Variants in PIGL observed in about 807,000 individuals in gnomAD.
The protein encoded by PIGL is phosphatidylinositol glycan anchor biosynthesis class L.
A neutral mutation model predicts 31.1 loss-of-function variants in PIGL; 22 were observed. The observed-to-expected ratio is 0.71, with a 90% CI of 0.51 to 1.01. The LOEUF (loss-of-function observed/expected upper bound fraction) is 1.01, where lower values mean the gene tolerates loss of function less well. PIGL is among the 50% of genes least tolerant of loss of function. The pLI is 0.00. For missense variants in PIGL, 302 were observed against 315.9 expected (o/e 0.96, Z 0.33); for synonymous variants, 131 against 117.4 (o/e 1.12, Z -0.75).
chr17:16,313,974 T>A (rs1412234617), intron 4 of PIGL, among the ~76,000 whole-genome samples: 2 of 152,232 alleles, frequency 1.3e-5, no homozygotes, highest in Non-Finnish European at 2.9e-5. Flanking sequence ...GAATGAGTGC[T>A]GTCAATCAGT....
intron 1 of PIGL, among the ~76,000 whole-genome samples, chr17:16,218,687 T>TC (rs1445839448): frequency 6.6e-6 from 1 of 150,784 alleles, no homozygotes; most frequent in Non-Finnish European, 1.5e-5. Context: ...CTTTTTTTTT[T>TC]TTTTTTTTTC....
chr17:16,219,431 C>T (rs2092615856), intron 1 of PIGL, among the ~76,000 whole-genome samples: 1 of 152,070 alleles, frequency 6.6e-6, no homozygotes, highest in Admixed American at 6.6e-5. Flanking sequence ...AAAAGTAAAC[C>T]ATTTTACATA....
chr17:16,233,901 G>A, intron 1 of PIGL, 70 bp from the exon 2 acceptor site: 1 of 765,456 alleles, frequency 1.3e-6, no homozygotes, highest in Non-Finnish European at 2.3e-6. Flanking sequence ...AACAGGATAA[G>A]AATGAGTGAA....
chr17:16,254,344 A>T (rs138076908), intron 2 of PIGL, among the ~76,000 whole-genome samples: 1 of 151,972 alleles, frequency 6.6e-6, no homozygotes, highest in South Asian at 2.1e-4. Context: ...TCTCAGCTCA[A>T]TGCAACCTCT....
chr17:16,266,291 A>C (rs537442128), intron 2 of PIGL, among the ~76,000 whole-genome samples: 3 of 148,258 alleles, frequency 2.0e-5, no homozygotes, highest in Non-Finnish European at 4.5e-5. Flanking sequence ...GGGGAGGCTA[A>C]GGCGGAAGAA....
intron 3 of PIGL, among the ~76,000 whole-genome samples, chr17:16,308,150 T>C (rs1357246952): frequency 1.3e-5 from 2 of 151,782 alleles, no homozygotes; most frequent in Non-Finnish European, 2.9e-5. Context: ...CTGGCCAAGA[T>C]GGTGAAACCC....
chr17:16,310,836 C>G (rs923806201), intron 3 of PIGL, among the ~76,000 whole-genome samples: 1 of 152,170 alleles, frequency 6.6e-6, no homozygotes, highest in Non-Finnish European at 1.5e-5. Context: ...GCGTAGCACG[C>G]CTTCTCACAT....
intron 2 of PIGL, among the ~76,000 whole-genome samples, chr17:16,250,210 G>A (rs1354324292): frequency 6.6e-6 from 1 of 152,070 alleles, no homozygotes; most frequent in Non-Finnish European, 1.5e-5. Flanking sequence ...TTTGTCTTGC[G>A]AAGTGCTGGG....
At chr17:16,288,093 A>AATTTTGC (rs1332547508) in intron 2 of PIGL, among the ~76,000 whole-genome samples, 3 of 152,162 alleles carry the variant, frequency 2.0e-5, no homozygotes, top group African/African-American at 4.8e-5. Flanking sequence ...ATCTTGCTTT[A>AATTTTGC]ATTTTGCATT....
At chr17:16,311,221 G>A (rs911174601) in intron 3 of PIGL, among the ~76,000 whole-genome samples, 1 of 150,050 alleles carries the variant, frequency 6.7e-6, no homozygotes, top group African/African-American at 2.4e-5. Flanking sequence ...TTCAGTCCTT[G>A]TTGTCGTTTT....
At position 16,217,470 on chromosome 17, in the gene PIGL, C is replaced by A. The variant is rs767487356; in HGVS notation, c.235+9C>A. 4.4e-6 allele frequency: 7 copies of A among 1,601,110 alleles called. No individual in the cohort carries two copies. In the African/African-American group the frequency reaches 8.0e-5, roughly 18 times the overall value. On this transcript the variant is annotated intron_variant, in intron 1 of 6. Transcript: ENST00000225609. ...GCTTTGCTTCTCTGCAGGTAGGAGGCCATAGGAGGGGCGATGGGAGCCGGG... is the reference window on the plus strand; with the variant it reads ...GCTTTGCTTCTCTGCAGGTAGGAGGACATAGGAGGGGCGATGGGAGCCGGG...
At chr17:16,272,432 A>C (rs546316839) in intron 2 of PIGL, among the ~76,000 whole-genome samples, 23 of 152,276 alleles carry the variant, frequency 1.5e-4, no homozygotes, top group African/African-American at 5.5e-4. Flanking sequence ...TTCTTTCCAT[A>C]TTTGTTTGTT....
intron 1 of PIGL, among the ~76,000 whole-genome samples, chr17:16,221,638 T>G (rs887643990): frequency 1.4e-4 from 22 of 151,770 alleles, no homozygotes; most frequent in African/African-American, 5.1e-4. Flanking sequence ...GTTTTTGTTT[T>G]GTTTTGAGTC....
At position 16,312,914 on chromosome 17, in the gene PIGL, A is replaced by AGG. The variant is rs1568842413; in HGVS notation, c.427-632_427-631insGG. ...TCAGCATCAGAAGGAGACCTTGGAA[A>AGG]GAGGGGAGGGGGAAGGGGGGGGGAG... On this transcript the variant is annotated intron_variant, in intron 3 of 6. Coordinates refer to ENST00000225609, the MANE Select transcript of PIGL (RefSeq NM_004278.4). The AGG allele has an allele frequency of 1.9e-4, 21 of 109,974 alleles. 1 individual carries two copies. Among genetic ancestry groups the AGG allele is most frequent in the African/African-American group, 9.5e-4 (21 of 22,054 alleles). The allele number at this position is 109,974 out of a possible 1,614,324, so 6.8% of individuals were successfully genotyped here.
At chr17:16,316,914 C>G in intron 5 of PIGL, 2 of 1,359,090 alleles carry the variant, frequency 1.5e-6, no homozygotes, top group Non-Finnish European at 1.9e-6. Context: ...AGGGCCACCT[C>G]TGGATGAGTG....
At chr17:16,257,498 A>G (rs1456094832) in intron 2 of PIGL, among the ~76,000 whole-genome samples, 1 of 152,234 alleles carries the variant, frequency 6.6e-6, no homozygotes. Context: ...CTGAGGCTCA[A>G]TTTTGAGGGA....
In PIGL at chr17:16,326,170, A is replaced by C; in HGVS notation, c.*272A>C. On this transcript the variant is annotated 3_prime_UTR_variant, in exon 7 of 7. Coordinates refer to ENST00000225609, the MANE Select transcript of PIGL (RefSeq NM_004278.4). ...GTTCTTGTGAAAAACAATTTACATA[A>C]TGACACAGTAGATGTGGAACACCTA... is the stretch of plus-strand genomic sequence containing the variant. 9.5e-6 allele frequency: 4 copies of C among 419,330 alleles called. No individual in the cohort carries two copies. Among genetic ancestry groups the C allele is most frequent in the Non-Finnish European group, 8.6e-6 (2 of 233,586 alleles). 26.0% of individuals were successfully genotyped at this position (419,330 alleles called of 1,614,324 possible).
chr17:16,229,481 C>CTTTTTTT (rs71353784), intron 1 of PIGL, among the ~76,000 whole-genome samples: 1 of 114,216 alleles, frequency 8.8e-6, no homozygotes, highest in African/African-American at 3.3e-5. Context: ...ACCGGTTTTC[C>CTTTTTTT]TTTTTTTTTT....
chr17:16,272,271 G>C (rs1205255082), intron 2 of PIGL, among the ~76,000 whole-genome samples: 1 of 152,142 alleles, frequency 6.6e-6, no homozygotes, highest in Non-Finnish European at 1.5e-5. Flanking sequence ...CCTAGAACTA[G>C]CTGCCAGGAC....
Sources: allele counts gnomAD v4.1 joint callset (sites outside exome capture counted in the v4.1 genomes callset), GRCh38; gene constraint gnomAD v4.1.1; transcripts MANE v1.5; gene names NCBI Gene and HGNC (gene_info 2026-07-23, HGNC 2026-07-21).